Variants in SGCD observed in about 807,000 individuals in gnomAD.
SGCD encodes delta-sarcoglycan.
In SGCD, 18 loss-of-function variants were observed where a neutral mutation model predicts 36.6. The observed-to-expected ratio is 0.49, with a 90% CI of 0.34 to 0.73. The LOEUF (loss-of-function observed/expected upper bound fraction) is 0.73, where lower values mean the gene tolerates loss of function less well. Ranked by LOEUF, SGCD falls within the 30% of genes least tolerant of loss-of-function variation. The pLI, the probability that SGCD is intolerant of heterozygous loss-of-function variation, is 0.01. For synonymous variants in SGCD, 133 were observed against 130.6 expected, an observed-to-expected ratio of 1.02 and a Z score of -0.12; for missense variants, 387 against 346.7, an observed-to-expected ratio of 1.12 and a Z score of -0.92.
chr5:156,559,656 ACT>A (rs368044820), intron 4 of SGCD, among the ~76,000 whole-genome samples: 64 of 152,112 alleles, frequency 4.2e-4, no homozygotes, highest in African/African-American at 1.4e-3. Context: ...ATGAAGCCTG[ACT>A]CTCTAAGGAT....
intron 3 of SGCD, among the ~76,000 whole-genome samples, chr5:156,198,068 C>A (rs769694769): frequency 6.6e-6 from 1 of 152,006 alleles, no homozygotes; most frequent in Non-Finnish European, 1.5e-5. Context: ...AAATATAGTG[C>A]GAACTTTAAA....
At chr5:156,743,092 C>G (rs1001078834) in intron 7 of SGCD, among the ~76,000 whole-genome samples, 6 of 150,454 alleles carry the variant, frequency 4.0e-5, no homozygotes, top group African/African-American at 1.5e-4. Context: ...AGCCATACCT[C>G]ACTTGCTTCC....
intron 1 of SGCD, among the ~76,000 whole-genome samples, chr5:156,019,038 A>G (rs1759044951): frequency 6.6e-6 from 1 of 152,244 alleles, no homozygotes. Flanking sequence ...TTGTCATTGT[A>G]AAGACAAAAT....
chr5:156,391,714 G>A (rs1217638871), intron 3 of SGCD, among the ~76,000 whole-genome samples: 2 of 152,100 alleles, frequency 1.3e-5, no homozygotes, highest in African/African-American at 4.8e-5. Context: ...ATCTGCAGGG[G>A]GTCCTGAAAC....
At chr5:156,035,991 C>T (rs1759488055) in intron 1 of SGCD, among the ~76,000 whole-genome samples, 1 of 152,154 alleles carries the variant, frequency 6.6e-6, no homozygotes, top group Non-Finnish European at 1.5e-5. Flanking sequence ...TATATACATG[C>T]TGGACACAAG....
chr5:156,146,642 G>A (rs1375621558), intron 3 of SGCD, among the ~76,000 whole-genome samples: 1 of 152,180 alleles, frequency 6.6e-6, no homozygotes, highest in Non-Finnish European at 1.5e-5. Flanking sequence ...AGTGGATTTT[G>A]CAAATAAGCT....
intron 3 of SGCD, among the ~76,000 whole-genome samples, chr5:156,285,262 G>A (rs919970534): frequency 1.2e-4 from 18 of 152,118 alleles, no homozygotes; most frequent in African/African-American, 2.9e-4. Context: ...GGGAATTTAT[G>A]GATTCAATGC....
At chr5:156,707,084 A>G (rs765608874) in intron 7 of SGCD, among the ~76,000 whole-genome samples, 19 of 152,228 alleles carry the variant, frequency 1.2e-4, no homozygotes, top group Non-Finnish European at 2.6e-4. Context: ...ATTCTATCAC[A>G]GATGCATACA....
At chr5:156,439,724 T>C (rs6556625) in intron 3 of SGCD, among the ~76,000 whole-genome samples, 88,230 of 152,048 alleles carry the variant, frequency 0.58, 25,893 homozygotes, top group Middle Eastern at 0.71. Context: ...TGCTTTAGCA[T>C]GAACTCTTGA....
At chr5:156,605,498 G>C (rs536436406) in intron 6 of SGCD, among the ~76,000 whole-genome samples, 1 of 152,170 alleles carries the variant, frequency 6.6e-6, no homozygotes, top group African/African-American at 2.4e-5. Flanking sequence ...GAATAGTGCT[G>C]CAATAAAAAT....
intron 3 of SGCD, among the ~76,000 whole-genome samples, chr5:156,451,675 T>C (rs6889700): frequency 2.0e-5 from 3 of 152,194 alleles, no homozygotes. Flanking sequence ...ATGAAATATT[T>C]GCTAAATCCT....
At chr5:155,824,546 A>G in the SGCD span, among the ~76,000 whole-genome samples, 1 of 152,152 alleles carries the variant, frequency 6.6e-6, no homozygotes, top group East Asian at 1.9e-4. Context: ...TTCAAATTTT[A>G]TTTCTTAATA....
the SGCD span, among the ~76,000 whole-genome samples, chr5:155,850,078 A>G: frequency 5.9e-5 from 9 of 151,392 alleles, no homozygotes; most frequent in South Asian, 2.1e-4. Context: ...TAAAGGGAAC[A>G]TTGGGCTCAT....
chr5:156,635,870 C>T (rs1581302056), intron 6 of SGCD, among the ~76,000 whole-genome samples: 1 of 118,944 alleles, frequency 8.4e-6, no homozygotes, highest in Middle Eastern at 4.9e-3. Flanking sequence ...GAACATCACA[C>T]ATGGGGGCCT....
intron 3 of SGCD, among the ~76,000 whole-genome samples, chr5:156,406,093 C>T (rs1447552846): frequency 6.8e-6 from 1 of 148,112 alleles, no homozygotes; most frequent in African/African-American, 2.5e-5. Flanking sequence ...GCAGCTGGTC[C>T]GTGGCATTAA....
chr5:156,516,222 C>T (rs973331898), intron 4 of SGCD, among the ~76,000 whole-genome samples: 1 of 108,022 alleles, frequency 9.3e-6, no homozygotes, highest in Non-Finnish European at 2.3e-5. Context: ...CTAGGTGAGA[C>T]CCCCCACACA....
At chr5:156,389,845 G>A (rs944472953) in intron 3 of SGCD, among the ~76,000 whole-genome samples, 14 of 152,112 alleles carry the variant, frequency 9.2e-5, no homozygotes, top group African/African-American at 3.1e-4. Flanking sequence ...CATGATAACA[G>A]TTCATACATT....
chr5:155,972,248 C>A (rs964782246), intron 1 of SGCD, among the ~76,000 whole-genome samples: 2 of 152,108 alleles, frequency 1.3e-5, no homozygotes, highest in Admixed American at 1.3e-4. Flanking sequence ...TGAATTTTTT[C>A]TTTAGTCCCA....
rs928258655 is a variant in SGCD at position 156,217,185 on chromosome 5, C to T, written c.-44+93166C>T. On this transcript the variant is annotated intron_variant, in intron 3 of 9. Coordinates refer to the SGCD transcript ENST00000517913. ...TATTAACGTGATTGACAACAGGGTA[C>T]GTGACTCTTTAAACATTGACCTCAC... Among the ~76,000 whole-genome samples, 9 of 152,258 alleles carry T rather than the reference C, an allele frequency of 5.9e-5. No homozygotes were observed. In the South Asian group the frequency reaches 6.2e-4, roughly 11 times the overall value.
Sources: gnomAD v4.1 joint callset for allele counts (sites outside exome capture counted in the v4.1 genomes callset) on GRCh38, gnomAD v4.1.1 for gene constraint, MANE v1.5 for transcripts, NCBI Gene and HGNC (gene_info 2026-07-23, HGNC 2026-07-21) for gene names.